Variants in TRPM1 observed in about 807,000 individuals in gnomAD.
TRPM1 encodes TRPM1-203 APA Isoform, Intron 10.
Under a neutral mutation model 149.4 loss-of-function variants are expected in TRPM1, and 113 were observed. The observed-to-expected ratio is 0.76, with a 90% CI of 0.65 to 0.88. The LOEUF (loss-of-function observed/expected upper bound fraction) is 0.88, where lower values mean the gene tolerates loss of function less well. Among genes scored for constraint, TRPM1 ranks in the 40% least tolerant of loss-of-function variants. The pLI is 0.00. For missense variants in TRPM1, 1,976 were observed against 2,038.7 expected (o/e 0.97, Z 0.59); for synonymous variants, 741 against 759.5 (o/e 0.98, Z 0.40).
At chr15:31,029,248 A>G in intron 24 of TRPM1, 123 bp downstream of exon 24, 1 of 1,018,870 alleles carries the variant, frequency 9.8e-7, no homozygotes, top group Non-Finnish European at 1.5e-6. Context: ...CTTAAAAAGT[A>G]CTGGCACCAA....
chr15:31,146,787 G>C (rs547647553), intron 1 of TRPM1, among the ~76,000 whole-genome samples: 1 of 152,270 alleles, frequency 6.6e-6, no homozygotes, highest in East Asian at 1.9e-4. Flanking sequence ...AGGAGTTCGA[G>C]ACCAGCCTGA....
intron 1 of TRPM1, among the ~76,000 whole-genome samples, chr15:31,109,491 G>C (rs2035655292): frequency 1.3e-5 from 2 of 151,830 alleles, no homozygotes; most frequent in Admixed American, 1.3e-4. Flanking sequence ...GAGGTCTGGA[G>C]TTCGAGATCA....
chr15:31,109,875 G>A (rs1052668113), intron 1 of TRPM1, among the ~76,000 whole-genome samples: 1 of 152,102 alleles, frequency 6.6e-6, no homozygotes, highest in African/African-American at 2.4e-5. Flanking sequence ...GGAGACGGGC[G>A]ATGGGCAAAG....
At chr15:31,089,961 GTGTT>G (rs1351415380) in intron 1 of TRPM1, among the ~76,000 whole-genome samples, 1 of 152,152 alleles carries the variant, frequency 6.6e-6, no homozygotes, top group East Asian at 1.9e-4. Flanking sequence ...CGGTGTGTGT[GTGTT>G]TGGTTTTTCT....
chr15:31,080,972 C>A (rs1163696516), intron 2 of TRPM1, among the ~76,000 whole-genome samples: 1 of 152,132 alleles, frequency 6.6e-6, no homozygotes, highest in Non-Finnish European at 1.5e-5. Flanking sequence ...GAGGGAGCAA[C>A]AACGTGCCCC....
intron 1 of TRPM1, among the ~76,000 whole-genome samples, chr15:31,130,645 T>C (rs944143737): frequency 6.6e-6 from 1 of 152,158 alleles, no homozygotes; most frequent in Non-Finnish European, 1.5e-5. Flanking sequence ...TTGTAGACCC[T>C]GCATTCTGAT....
intron 13 of TRPM1, among the ~76,000 whole-genome samples, chr15:31,049,024 A>T (rs922624538): frequency 2.0e-5 from 3 of 152,190 alleles, no homozygotes; most frequent in African/African-American, 7.2e-5. Context: ...ATCAAATGTG[A>T]GGGTCCCAAG....
chr15:31,047,556 C>T (rs533584664), intron 14 of TRPM1, among the ~76,000 whole-genome samples: 2 of 152,284 alleles, frequency 1.3e-5, no homozygotes, highest in South Asian at 2.1e-4. Context: ...AGGGACAGAA[C>T]GAGAGGCTGC....
At chr15:31,089,974 C>G (rs535754441) in intron 1 of TRPM1, among the ~76,000 whole-genome samples, 27 of 152,104 alleles carry the variant, frequency 1.8e-4, no homozygotes, top group Non-Finnish European at 3.4e-4. Flanking sequence ...TTTGGTTTTT[C>G]TTTGCTTAAA....
chr15:31,032,527 T>G (rs895470155), intron 22 of TRPM1, among the ~76,000 whole-genome samples, 162 bp downstream of exon 22: 5 of 152,174 alleles, frequency 3.3e-5, no homozygotes, highest in Non-Finnish European at 5.9e-5. Context: ...GTTATCAACA[T>G]GTAGGAGAAC....
At chr15:31,102,244 C>G (rs2035532262), upstream of TRPM1, among the ~76,000 whole-genome samples, 1 of 152,222 alleles carries the variant, frequency 6.6e-6, no homozygotes. Context: ...CTGCTCTCCC[C>G]CCTTCACCAG....
chr15:31,124,438 G>A (rs1420946867), intron 1 of TRPM1, among the ~76,000 whole-genome samples: 2 of 151,954 alleles, frequency 1.3e-5, no homozygotes, highest in African/African-American at 4.8e-5. Flanking sequence ...CAGATCGCAT[G>A]AGGCCAGGAG....
intron 27 of TRPM1, among the ~76,000 whole-genome samples, chr15:31,019,312 G>A (rs2032473206): frequency 2.0e-5 from 3 of 152,232 alleles, no homozygotes; most frequent in Non-Finnish European, 2.9e-5. Context: ...AGAACACCAG[G>A]ATAGAACCTT....
chr15:31,093,592 C>G (rs1166245269), intron 1 of TRPM1, among the ~76,000 whole-genome samples: 1 of 146,512 alleles, frequency 6.8e-6, no homozygotes, highest in Admixed American at 6.7e-5. Flanking sequence ...ACAGAGCAAT[C>G]TGGTTTTTTT....
At chr15:31,010,932 T>C (rs1359347430) in intron 27 of TRPM1, among the ~76,000 whole-genome samples, 1 of 152,234 alleles carries the variant, frequency 6.6e-6, no homozygotes, top group Non-Finnish European at 1.5e-5. Context: ...TTTTGCTTCA[T>C]ATCTTATGAG....
At chr15:31,037,910 C>T (rs2033469756) in intron 19 of TRPM1, 68 bp from the exon 20 acceptor site, 1 of 1,612,970 alleles carries the variant, frequency 6.2e-7, no homozygotes, top group Admixed American at 1.7e-5. Context: ...CTCCGGCACA[C>T]AGGCACCATT....
chr15:31,129,445 G>A (rs2035990734), intron 1 of TRPM1, among the ~76,000 whole-genome samples: 1 of 152,112 alleles, frequency 6.6e-6, no homozygotes, highest in Admixed American at 6.5e-5. Flanking sequence ...CCCGGTTTCT[G>A]CCCACTCAGC....
At chr15:31,130,564 C>T (rs1326062739) in intron 1 of TRPM1, among the ~76,000 whole-genome samples, 1 of 152,192 alleles carries the variant, frequency 6.6e-6, no homozygotes, top group Admixed American at 6.5e-5. Context: ...CTGCAAGATT[C>T]CAAACCTCCT....
At position 31,036,985 on chromosome 15, in the gene TRPM1, G is replaced by A. The variant is rs146888924; in HGVS notation, c.2571+726C>T. 9.9e-4 allele frequency among the ~76,000 whole-genome samples: 151 copies of A among 152,364 alleles called. 1 individual carries two copies. The highest frequency in any genetic ancestry group is 3.4e-3 in the Middle Eastern group (1 of 294). ...CACAGCACCGAGGCCTGCCTGGCGGGGGCTGTGGCTTGATGCTTGGGATTT... is the reference window on the plus strand; with the variant it reads ...CACAGCACCGAGGCCTGCCTGGCGGAGGCTGTGGCTTGATGCTTGGGATTT... On this transcript the variant is annotated intron_variant, in intron 20 of 27. Transcript: ENST00000256552.
Sources: gnomAD v4.1 joint callset for allele counts (sites outside exome capture counted in the v4.1 genomes callset) on GRCh38, gnomAD v4.1.1 for gene constraint, MANE v1.5 for transcripts, NCBI Gene and HGNC (gene_info 2026-07-23, HGNC 2026-07-21) for gene names.